SEM1: variants seen among roughly 807,000 people sequenced by gnomAD.
SEM1 encodes the protein SEM1 26S proteasome subunit.
In SEM1, 3 loss-of-function variants were observed where a neutral mutation model predicts 12.7. The ratio of observed to expected loss-of-function variants is 0.24; its 90% CI spans 0.11 to 0.61. The LOEUF is 0.61. SEM1 is among the 20% of genes least tolerant of loss of function. The probability of loss-of-function intolerance (pLI) is 0.88; values close to 1 mark genes in which losing one functional copy is unlikely to be tolerated. For missense variants in SEM1, 59 were observed against 81.3 expected (o/e 0.73, Z 1.06); for synonymous variants, 30 against 27.8 (o/e 1.08, Z -0.25).
chr7:96,497,008 T>TACAC (rs933659887), upstream of SEM1, among the ~76,000 whole-genome samples: 3 of 119,520 alleles, frequency 2.5e-5, no homozygotes, highest in South Asian at 2.3e-4. Flanking sequence ...CGAGCACGTA[T>TACAC]ACACACACAC....
At chr7:96,709,547 A>G in intron 1 of SEM1, 141 bp downstream of exon 1, 2 of 753,668 alleles carry the variant, frequency 2.7e-6, no homozygotes. Context: ...CTGAGGGGTG[A>G]GCGTTAGCGC....
intron 2 of SEM1, among the ~76,000 whole-genome samples, chr7:96,561,487 G>A (rs1805688976): frequency 1.3e-5 from 2 of 152,152 alleles, no homozygotes; most frequent in South Asian, 2.1e-4. Flanking sequence ...AAATGGCAGA[G>A]GCTCTCAAAC....
At chr7:96,686,632 T>C (rs140368798), downstream of SEM1, among the ~76,000 whole-genome samples, 116 of 152,264 alleles carry the variant, frequency 7.6e-4, 1 homozygote, top group East Asian at 0.017. Context: ...TATACAAAAA[T>C]TAATTCAAGA....
chr7:96,523,787 G>A lies in SEM1; in HGVS notation c.171-17089C>T, dbSNP rs550227076. Among the ~76,000 whole-genome samples, 4 of 152,124 alleles carry A rather than the reference G, an allele frequency of 2.6e-5. No homozygotes were observed. The South Asian group carries it at 6.2e-4, about 24-fold the overall frequency. On this transcript the variant is annotated intron_variant and NMD_transcript_variant, in intron 2 of 3. Coordinates refer to the SEM1 transcript ENST00000466986. ...TCAACTCCAAACTCAACTACCCTCT[G>A]ATGTAGTCAAAACTTAGCCTCCATC...
intron 2 of SEM1, among the ~76,000 whole-genome samples, chr7:96,676,998 G>A (rs1249046373): frequency 1.3e-5 from 2 of 152,026 alleles, no homozygotes; most frequent in Non-Finnish European, 2.9e-5. Context: ...TTGTTTTCAG[G>A]CTTTAATCCT....
Position 96,541,450 on chromosome 7 carries a change from T to G in SEM1, c.171-34752A>C, listed in dbSNP as rs573332695. On this transcript the variant is annotated intron_variant and NMD_transcript_variant, in intron 2 of 3. Transcript: ENST00000466986. ...TAATGGGTTTTTTTTTTTGTTTTTT[T>G]TTTTTTTTTGCTGAATTGTTTAAGT... Among the ~76,000 whole-genome samples, 124 of 148,954 alleles carry G rather than the reference T, an allele frequency of 8.3e-4. 1 individual carries two copies. Among genetic ancestry groups the G allele is most frequent in the East Asian group, 5.1e-3 (26 of 5,092 alleles).
intron 2 of SEM1, among the ~76,000 whole-genome samples, chr7:96,557,609 A>C (rs1386041319): frequency 1.0e-5 from 1 of 97,070 alleles, no homozygotes; most frequent in Non-Finnish European, 2.7e-5. Flanking sequence ...TCAGACAGGG[A>C]CATTTAAGTC....
chr7:96,534,264 T>G lies in SEM1; in HGVS notation c.171-27566A>C, dbSNP rs1381221636. Among the ~76,000 whole-genome samples the G allele has an allele frequency of 3.3e-5, 5 of 152,078 alleles. No homozygotes were observed. The East Asian group carries it at 9.7e-4, about 29-fold the overall frequency. Reference sequence around the variant, plus strand: ...TTCAGCTTTGAAACAAAATTTAGAATTTTGGAAAATTTGTAACTGCCACTG... The same window carrying G: ...TTCAGCTTTGAAACAAAATTTAGAAGTTTGGAAAATTTGTAACTGCCACTG... On this transcript the variant is annotated intron_variant and NMD_transcript_variant, in intron 2 of 3. Transcript: ENST00000466986.
downstream of SEM1, chr7:96,622,372 GAC>G (rs1807922225): frequency 4.0e-6 from 2 of 505,942 alleles, no homozygotes; most frequent in Non-Finnish European, 7.0e-6. Flanking sequence ...AGAGCTTTGA[GAC>G]ACAGAATGAT....
rs78211064 is a variant in SEM1, at chr7:96,654,681, T to G, written c.171-32038A>C. Among the ~76,000 whole-genome samples the G allele has an allele frequency of 3.4e-3, 519 of 152,282 alleles. 4 individuals are homozygous for G. Among genetic ancestry groups the G allele is most frequent in the African/African-American group, 0.012 (499 of 41,562 alleles). ...GTAGGGTAGGCTAAGCTTTGATGTT[T>G]GGTAGGTAAGATGTATTAAATGCAT... On this transcript the variant is annotated intron_variant, in intron 2 of 2. Coordinates refer to the SEM1 transcript ENST00000417009.
chr7:96,551,197 G>A (rs1387644208), intron 2 of SEM1, among the ~76,000 whole-genome samples: 1 of 152,138 alleles, frequency 6.6e-6, no homozygotes, highest in Non-Finnish European at 1.5e-5. Flanking sequence ...CAGTTTTGAG[G>A]AAGTTTTGGC....
chr7:96,678,778 T>C (rs1789519193), intron 2 of SEM1, among the ~76,000 whole-genome samples: 1 of 152,030 alleles, frequency 6.6e-6, no homozygotes, highest in Admixed American at 6.6e-5. Context: ...ATAAGAAAAA[T>C]TAAGAAAAAA....
chr7:96,538,757 C>G (rs2115764839), intron 2 of SEM1, among the ~76,000 whole-genome samples: 1 of 151,842 alleles, frequency 6.6e-6, no homozygotes, highest in Admixed American at 6.6e-5. Flanking sequence ...CTCACTTCCC[C>G]CTTTTGGTGA....
At chr7:96,520,339 G>A (rs1049278264) in intron 2 of SEM1, among the ~76,000 whole-genome samples, 2 of 152,104 alleles carry the variant, frequency 1.3e-5, no homozygotes, top group African/African-American at 4.8e-5. Flanking sequence ...TGTAGAATTG[G>A]GGAATAACAC....
intron 2 of SEM1, among the ~76,000 whole-genome samples, chr7:96,537,230 C>A (rs1804813459): frequency 6.6e-6 from 1 of 151,650 alleles, no homozygotes; most frequent in Admixed American, 6.6e-5. Context: ...ACATTGTTGT[C>A]ATTCACTTCT....
chr7:96,552,624 TATTGTG>T (rs1805320993), intron 2 of SEM1, among the ~76,000 whole-genome samples: 1 of 147,722 alleles, frequency 6.8e-6, no homozygotes, highest in South Asian at 2.2e-4. Context: ...AAGTCTTTGC[TATTGTG>T]AATAATGCCG....
At chr7:96,578,284 G>A (rs1243561016) in intron 2 of SEM1, among the ~76,000 whole-genome samples, 3 of 148,770 alleles carry the variant, frequency 2.0e-5, no homozygotes, top group African/African-American at 2.5e-5. Context: ...TAAGATAAAG[G>A]AAAAAAAAAA....
intron 2 of SEM1, among the ~76,000 whole-genome samples, chr7:96,604,403 C>G (rs1345167691): frequency 6.6e-6 from 1 of 152,144 alleles, no homozygotes; most frequent in Non-Finnish European, 1.5e-5. Flanking sequence ...TTGATAACCT[C>G]TGATGTCCCT....
rs565439411 is a variant in SEM1, at chr7:96,592,814, G to A, written c.171-86116C>T. ...TAACTGCCAGAGGACCAGTTTTGAG[G>A]CATCGATTAATTTGGTCGAAGGGTT... On this transcript the variant is annotated intron_variant and NMD_transcript_variant, in intron 2 of 3. Coordinates refer to the SEM1 transcript ENST00000466986. Among the ~76,000 whole-genome samples, 162 of 151,984 alleles carry A rather than the reference G, an allele frequency of 1.1e-3. 2 individuals are homozygous for A. Among genetic ancestry groups the A allele is most frequent in the Admixed American group, 2.2e-3 (33 of 15,244 alleles).
Sources: allele counts gnomAD v4.1 joint callset (sites outside exome capture counted in the v4.1 genomes callset), GRCh38; gene constraint gnomAD v4.1.1; transcripts MANE v1.5; gene names NCBI Gene and HGNC (gene_info 2026-07-23, HGNC 2026-07-21).